Variants in CDK19 observed in about 807,000 individuals in gnomAD.
CDK19 encodes cyclin-dependent kinase 19.
In CDK19, 20 loss-of-function variants were observed where a neutral mutation model predicts 68.3. The observed-to-expected ratio is 0.29, with a 90% confidence interval of 0.21 to 0.43. The LOEUF is 0.43. Ranked by LOEUF, CDK19 falls within the 20% of genes least tolerant of loss-of-function variation. CDK19 has a pLI of 1.00. For missense variants in CDK19, 339 were observed against 623.5 expected (o/e 0.54, Z 4.86); for synonymous variants, 221 against 222.8 (o/e 0.99, Z 0.07).
At chr6:110,743,386 A>G (rs1365402254) in intron 2 of CDK19, among the ~76,000 whole-genome samples, 1 of 152,196 alleles carries the variant, frequency 6.6e-6, no homozygotes, top group Non-Finnish European at 1.5e-5. Context: ...TCATGCCTGT[A>G]ACTACAGCAC....
chr6:110,794,771 A>G (rs114464904), intron 1 of CDK19, among the ~76,000 whole-genome samples: 2,044 of 151,916 alleles, frequency 0.013, 50 homozygotes, highest in African/African-American at 0.047. Context: ...TTTATTCTTC[A>G]CTACTTTTCA....
At chr6:110,615,411 A>G (rs1047472305) in intron 12 of CDK19, among the ~76,000 whole-genome samples, 3 of 152,248 alleles carry the variant, frequency 2.0e-5, no homozygotes, top group Non-Finnish European at 4.4e-5. Flanking sequence ...TAAGAACAGT[A>G]TGTAAGAGAC....
chr6:110,774,770 C>T (rs1005752639), intron 1 of CDK19, among the ~76,000 whole-genome samples: 2 of 152,036 alleles, frequency 1.3e-5, no homozygotes, highest in African/African-American at 2.4e-5. Context: ...GACAACAGGG[C>T]GAACCCCATC....
chr6:110,802,468 C>A (rs773291072), intron 1 of CDK19, among the ~76,000 whole-genome samples: 1 of 152,058 alleles, frequency 6.6e-6, no homozygotes, highest in Non-Finnish European at 1.5e-5. Flanking sequence ...TAAGTGGGAG[C>A]TAAACAATGG....
chr6:110,743,088 G>A (rs762127928), intron 2 of CDK19, among the ~76,000 whole-genome samples: 1 of 152,092 alleles, frequency 6.6e-6, no homozygotes, highest in Admixed American at 6.6e-5. Context: ...CAGACCGGCT[G>A]ACACTTACGG....
chr6:110,645,910 T>G, intron 4 of CDK19: 1 of 869,558 alleles, frequency 1.2e-6, no homozygotes. Context: ...CTGCGAACTG[T>G]GCCGGGACAG....
At chr6:110,662,374 G>A (rs2222548) in intron 4 of CDK19, among the ~76,000 whole-genome samples, 3,119 of 151,814 alleles carry the variant, frequency 0.021, 109 homozygotes, top group African/African-American at 0.072. Context: ...ACTAGGTTCT[G>A]GGATATGATA....
In CDK19 at chr6:110,800,593, T is replaced by C. The variant is rs551913479; in HGVS notation, c.128+14416A>G. Among the ~76,000 whole-genome samples the C allele has an allele frequency of 2.6e-5, 4 of 152,290 alleles. No individual in the cohort carries two copies. In the East Asian group the frequency reaches 7.7e-4, roughly 29 times the overall value. On this transcript the variant is annotated intron_variant, in intron 1 of 12. Coordinates refer to ENST00000368911, the MANE Select transcript of CDK19 (RefSeq NM_015076.5). ...CAAATCCAGCAGCACATTGAAAAGATAATTCACTACGATCAAGTGGGCTTT... is the reference window on the plus strand; with the variant it reads ...CAAATCCAGCAGCACATTGAAAAGACAATTCACTACGATCAAGTGGGCTTT...
intron 1 of CDK19, among the ~76,000 whole-genome samples, chr6:110,747,334 C>A (rs971408198): frequency 2.0e-5 from 3 of 152,128 alleles, no homozygotes; most frequent in Non-Finnish European, 4.4e-5. Flanking sequence ...CTTTCCCTCA[C>A]AATGAGTTTG....
chr6:110,701,386 C>CAA (rs58069740), intron 2 of CDK19, among the ~76,000 whole-genome samples: 6 of 124,542 alleles, frequency 4.8e-5, no homozygotes, highest in Non-Finnish European at 6.9e-5. Context: ...ACTAAAAATA[C>CAA]AAAAAAAAAA....
chr6:110,706,457 C>T (rs1464365805), intron 2 of CDK19: 1 of 139,266 alleles, frequency 7.2e-6, no homozygotes, highest in Non-Finnish European at 1.5e-5. Context: ...CTCTGTCGCC[C>T]ATGCTGGAGT....
rs1002392841 is a variant in CDK19, at chr6:110,610,675, C to CA, written c.*3859dup. 1.1e-4 allele frequency: 16 copies of CA among 152,170 alleles called. No individual in the cohort carries two copies. The highest frequency in any genetic ancestry group is 3.9e-4 in the African/African-American group (16 of 41,428). 9.4% of individuals were successfully genotyped at this position (152,170 alleles called of 1,614,324 possible). A position where few individuals can be genotyped will look rare whatever the true frequency, so the allele number is the denominator to read the frequency against. On this transcript the variant is annotated 3_prime_UTR_variant, in exon 13 of 13. Coordinates refer to ENST00000368911, the MANE Select transcript of CDK19 (RefSeq NM_015076.5). ...AAATATTACTTGTACTTGAATCCTT[C>CA]AAGCCTCTGTTGGTCTAACTGCCAT...
intron 1 of CDK19, among the ~76,000 whole-genome samples, chr6:110,795,950 G>A (rs2115089420): frequency 6.6e-6 from 1 of 152,224 alleles, no homozygotes; most frequent in African/African-American, 2.4e-5. Flanking sequence ...AGGACCCTAC[G>A]GCAAAGGAAA....
At chr6:110,688,114 G>A (rs1772647051) in intron 2 of CDK19, among the ~76,000 whole-genome samples, 1 of 152,082 alleles carries the variant, frequency 6.6e-6, no homozygotes, top group East Asian at 1.9e-4. Context: ...GGCCGGGCAT[G>A]GTGGCTCATG....
At chr6:110,809,258 T>A (rs1457162747) in intron 1 of CDK19, among the ~76,000 whole-genome samples, 1 of 150,526 alleles carries the variant, frequency 6.6e-6, no homozygotes, top group Non-Finnish European at 1.5e-5. Context: ...CTCATGTCTG[T>A]AATCCCAGCA....
intron 1 of CDK19, among the ~76,000 whole-genome samples, chr6:110,801,036 T>C (rs569885586): frequency 1.3e-5 from 2 of 152,284 alleles, no homozygotes; most frequent in East Asian, 3.9e-4. Context: ...TATGATCCTG[T>C]ACCTAGAAAA....
At chr6:110,777,730 G>A (rs1780509543) in intron 1 of CDK19, among the ~76,000 whole-genome samples, 1 of 152,226 alleles carries the variant, frequency 6.6e-6, no homozygotes, top group Non-Finnish European at 1.5e-5. Flanking sequence ...TAGTCAAAAT[G>A]TGGGAGCAAT....
chr6:110,651,258 T>TATCTATCTA (rs1780950420), intron 4 of CDK19, among the ~76,000 whole-genome samples: 1 of 151,808 alleles, frequency 6.6e-6, no homozygotes, highest in Non-Finnish European at 1.5e-5. Flanking sequence ...TCTATCTATC[T>TATCTATCTA]ATCTATCCGT....
At chr6:110,626,339 T>A (rs888053668) in intron 8 of CDK19, among the ~76,000 whole-genome samples, 2 of 152,230 alleles carry the variant, frequency 1.3e-5, no homozygotes, top group Non-Finnish European at 2.9e-5. Context: ...ATCTGTTTTT[T>A]AAAAAGATTA....
Sources: allele counts gnomAD v4.1 joint callset (sites outside exome capture counted in the v4.1 genomes callset), GRCh38; gene constraint gnomAD v4.1.1; transcripts MANE v1.5; gene names NCBI Gene and HGNC (gene_info 2026-07-23, HGNC 2026-07-21).